Variants in VAT1 observed in about 807,000 individuals in gnomAD.
VAT1 encodes vesicle amine transport 1, also known as NADPH-dependent quinone oxidoreductase VAT1.
A neutral mutation model predicts 33.3 loss-of-function variants in VAT1; 24 were observed. That is an observed-to-expected ratio of 0.72 (90% CI 0.52 to 1.01). The LOEUF is 1.01. VAT1 is among the 50% of genes least tolerant of loss of function. The pLI is 0.00. For missense variants in VAT1, 436 were observed against 533.7 expected (o/e 0.82, Z 1.80); for synonymous variants, 212 against 225.0 (o/e 0.94, Z 0.52).
intron 1 of VAT1, among the ~76,000 whole-genome samples, chr17:43,020,978 A>G (rs1436874199): frequency 6.6e-6 from 1 of 151,888 alleles, no homozygotes; most frequent in Non-Finnish European, 1.5e-5. Context: ...GATCATTTTG[A>G]GCTCTCTGGT....
Position 43,021,930 on chromosome 17 carries a change from G to C in VAT1, c.387+6C>G. ...AGCCCTGCCCTGCCCTACGCAACCCGCTCACCTTGCGGTCGCTGACTCCCT... is the reference window on the plus strand; with the variant it reads ...AGCCCTGCCCTGCCCTACGCAACCCCCTCACCTTGCGGTCGCTGACTCCCT... On this transcript the variant is annotated splice_donor_region_variant and intron_variant, in intron 1 of 5. Coordinates refer to ENST00000355653, the MANE Select transcript of VAT1 (RefSeq NM_006373.4). The C allele has an allele frequency of 6.2e-7, 1 of 1,610,064 alleles. No individual in the cohort carries two copies. The highest frequency in any genetic ancestry group is 8.5e-7 in the Non-Finnish European group (1 of 1,179,550).
rs747016532 is a variant in VAT1, at chr17:43,018,208, TGCA to T, written c.596-5_596-3del. On this transcript the variant is annotated splice_polypyrimidine_tract_variant and splice_region_variant and intron_variant, in intron 2 of 5. Transcript: ENST00000355653. Reference sequence around the variant, plus strand: ...GCACGGCAGCCATACCCACACCCCCTGCAGCAAGACACCCATAAGCAGGGGATA... The same window carrying T: ...GCACGGCAGCCATACCCACACCCCCTGCAAGACACCCATAAGCAGGGGATA... 5.0e-6 allele frequency: 8 copies of T among 1,604,116 alleles called. No individual in the cohort carries two copies. The highest frequency in any genetic ancestry group is 6.8e-6 in the Non-Finnish European group (8 of 1,173,422).
In VAT1 at chr17:43,021,607, G is replaced by T. The variant is rs1025892959; in HGVS notation, c.387+329C>A. Among the ~76,000 whole-genome samples, 39 of 20,616 alleles carry T rather than the reference G, an allele frequency of 1.9e-3. No individual in the cohort carries two copies. The East Asian group carries it at 0.033, about 17-fold the overall frequency. The allele number at this position is 20,616 out of a possible 152,430, so 13.5% of individuals were successfully genotyped here. A position where few individuals can be genotyped will look rare whatever the true frequency, so the allele number is the denominator to read the frequency against. On this transcript the variant is annotated intron_variant, in intron 1 of 5. Coordinates refer to ENST00000355653, the MANE Select transcript of VAT1 (RefSeq NM_006373.4). ...GTAGGGGTACAGGTGTGGTTTTAATGGGGGGGGGGGGGGGGGGTGGGGACG... is the reference window on the plus strand; with the variant it reads ...GTAGGGGTACAGGTGTGGTTTTAATTGGGGGGGGGGGGGGGGGTGGGGACG...
chr17:43,015,985 C>CT lies in VAT1; in HGVS notation c.*75_*76insA. On this transcript the variant is annotated 3_prime_UTR_variant, in exon 6 of 6. Coordinates refer to ENST00000355653, the MANE Select transcript of VAT1 (RefSeq NM_006373.4). ...GAGCATTATGACAGAGGCTGAAATGCAAGTCTGGTGGCCAACAGAACGTAG... is the reference window on the plus strand; with the variant it reads ...GAGCATTATGACAGAGGCTGAAATGCTAAGTCTGGTGGCCAACAGAACGTAG... The CT allele has an allele frequency of 6.5e-7, 1 of 1,527,004 alleles. No homozygotes were observed. Among genetic ancestry groups the CT allele is most frequent in the South Asian group, 1.2e-5 (1 of 86,636 alleles). The allele number at this position is 1,527,004 out of a possible 1,614,324, so 94.6% of individuals were successfully genotyped here.
At chr17:43,017,756 C>T in intron 4 of VAT1, 85 bp downstream of exon 4, 1 of 1,303,886 alleles carries the variant, frequency 7.7e-7, no homozygotes, top group Non-Finnish European at 1.1e-6. Context: ...CTTCTTCATT[C>T]AAAAGCCCTG....
In VAT1 at chr17:43,015,859, A is replaced by G; in HGVS notation, c.*202T>C. 1 of 654,922 alleles carries G rather than the reference A, an allele frequency of 1.5e-6. No homozygotes were observed. Among genetic ancestry groups the G allele is most frequent in the Admixed American group, 2.7e-5 (1 of 36,816 alleles). The allele number at this position is 654,922 out of a possible 1,614,324, so 40.6% of individuals were successfully genotyped here. On this transcript the variant is annotated 3_prime_UTR_variant, in exon 6 of 6. Transcript: ENST00000355653. ...TCCCTGTCGCCTTGGCAGGGCCCAG[A>G]CATCCAAATGGTCACTTCCCAACCT...
chr17:43,018,326 G>A (rs952112527), intron 2 of VAT1, 120 bp from the exon 3 acceptor site: 13 of 1,236,426 alleles, frequency 1.1e-5, no homozygotes, highest in African/African-American at 4.5e-5. Context: ...TTTTAGGGCC[G>A]TGTCTAATTT....
chr17:43,016,673 T>C, intron 4 of VAT1, 125 bp from the exon 5 acceptor site: 1 of 1,421,644 alleles, frequency 7.0e-7, no homozygotes, highest in Admixed American at 2.2e-5. Context: ...AGTGATTGGA[T>C]AATTCTCAAA....
chr17:43,020,250 A>T (rs1453489208), intron 1 of VAT1: 34 of 985,352 alleles, frequency 3.5e-5, no homozygotes, highest in Non-Finnish European at 4.0e-5. Flanking sequence ...CCCTCCCCGC[A>T]GAATCCAGGC....
intron 1 of VAT1, chr17:43,019,050 GTTCT>G (rs2151971300): frequency 3.7e-6 from 2 of 535,416 alleles, no homozygotes; most frequent in Admixed American, 3.3e-5. Flanking sequence ...CCTTACATCA[GTTCT>G]TTGAGGCAGA....
At chr17:43,019,265 T>C (rs1368243803) in intron 1 of VAT1, among the ~76,000 whole-genome samples, 1 of 152,142 alleles carries the variant, frequency 6.6e-6, no homozygotes, top group Non-Finnish European at 1.5e-5. Flanking sequence ...GCTCCACTTT[T>C]CCAGCTCCAG....
chr17:43,015,733 A>G lies in VAT1; in HGVS notation c.*328T>C, dbSNP rs2050514862. ...AAAGATGAGGCAGAGGTGAAAGCAC[A>G]TGGAACACAACAGGGGGGACTGGCT... On this transcript the variant is annotated 3_prime_UTR_variant, in exon 6 of 6. Coordinates refer to ENST00000355653, the MANE Select transcript of VAT1 (RefSeq NM_006373.4). 2 of 366,448 alleles carry G rather than the reference A, an allele frequency of 5.5e-6. No homozygotes were observed. The highest frequency in any genetic ancestry group is 7.1e-5 in the South Asian group (2 of 28,264). 22.7% of individuals were successfully genotyped at this position (366,448 alleles called of 1,614,324 possible). A position where few individuals can be genotyped will look rare whatever the true frequency, so the allele number is the denominator to read the frequency against.
At position 43,022,246 on chromosome 17, in the gene VAT1, G is replaced by T. The variant is rs764426035; in HGVS notation, c.77C>A (p.Ala26Glu). The part of the protein sequence containing the change: ...ASSPPPKTEA[A>E]SDPQHPAASE... ...GGCCGCGGGATGCTGGGGGTCGCTC[G>T]CTGCCTCGGTTTTCGGAGGCGGCGA... is the stretch of plus-strand genomic sequence containing the variant. Residue 26 changes from alanine to glutamate, a missense_variant, in exon 1 of 6, where the codon GCG becomes GAG. Around this residue, in one of 2 missense-constraint regions of VAT1, gnomAD observed 154 missense variants for 128.3 expected, o/e 1.20. Coordinates refer to ENST00000355653, the MANE Select transcript of VAT1 (RefSeq NM_006373.4). 3.2e-6 allele frequency: 5 copies of T among 1,579,088 alleles called. No individual in the cohort carries two copies. The highest frequency in any genetic ancestry group is 3.4e-6 in the Non-Finnish European group (4 of 1,163,496).
Position 43,018,618 on chromosome 17 carries a change from T to C in VAT1, c.569A>G (p.His190Arg). 6.2e-7 allele frequency: 1 copy of C among 1,613,902 alleles called. No homozygotes were observed. Among genetic ancestry groups the C allele is most frequent in the Non-Finnish European group, 8.5e-7 (1 of 1,180,020 alleles). ...TGCAGCCATGTGTACCAAGACGCTGTGGCCAGGCTGTAGGTTGCCGAAGTC... is the reference window on the plus strand; with the variant it reads ...TGCAGCCATGTGTACCAAGACGCTGCGGCCAGGCTGTAGGTTGCCGAAGTC... ...LFDFGNLQPG[H>R]SVLVHMAAGG... The change falls in exon 2 of 6, where the codon CAC becomes CGC. Residue 190 changes from histidine (H) to arginine (R), a missense_variant. Physicochemically the swap from His to Arg is conservative, Grantham distance 29. This residue lies in a region of VAT1 where 282 missense variants were observed against 405.4 expected (regional missense o/e 0.70). Transcript: ENST00000355653.
At position 43,015,690 on chromosome 17, in the gene VAT1, C is replaced by T. The variant is rs1197161722; in HGVS notation, c.*371G>A. On this transcript the variant is annotated 3_prime_UTR_variant, in exon 6 of 6. Transcript: ENST00000355653. ...ACGTTTCAATTCTTTGGGGAGGTGG[C>T]GGGGCAGGGACGGGAGGAAAGATGA... 2.9e-5 allele frequency: 8 copies of T among 271,758 alleles called. No homozygotes were observed. The highest frequency in any genetic ancestry group is 9.9e-5 in the Admixed American group (2 of 20,116). The allele number at this position is 271,758 out of a possible 1,614,324, so 16.8% of individuals were successfully genotyped here.
chr17:43,020,990 TCCAGGGTTGTGG>T (rs2050562430), intron 1 of VAT1, among the ~76,000 whole-genome samples: 1 of 151,744 alleles, frequency 6.6e-6, no homozygotes, highest in Admixed American at 6.6e-5. Context: ...CTCTCTGGTG[TCCAGGGTTGTGG>T]CCAAGATTAA....
intron 1 of VAT1, among the ~76,000 whole-genome samples, 187 bp downstream of exon 1, chr17:43,021,749 C>T (rs2151972170): frequency 6.6e-6 from 1 of 152,216 alleles, no homozygotes; most frequent in African/African-American, 2.4e-5. Flanking sequence ...ATTTCGTCTC[C>T]CCTCCCCACA....
intron 1 of VAT1, among the ~76,000 whole-genome samples, chr17:43,020,531 G>T (rs897143673): frequency 3.9e-5 from 6 of 152,164 alleles, no homozygotes; most frequent in African/African-American, 1.4e-4. Context: ...TGGGCTGGCA[G>T]GTCTGCAAGA....
chr17:43,017,844 AG>A lies in VAT1; in HGVS notation c.852del (p.Tyr285MetfsTer7). 1 of 1,613,936 alleles carries A rather than the reference AG, an allele frequency of 6.2e-7. No individual in the cohort carries two copies. Among genetic ancestry groups the A allele is most frequent in the African/African-American group, 1.3e-5 (1 of 74,966 alleles). ...CATCCCTGGCCCACTAACTCACCAT[AG>A]GTGACGACTTTGCCCATGGGTTTCA... ...NLLKPMGKVV[T>X]YGMANLLTGP... On this transcript the variant is annotated frameshift_variant, in exon 4 of 6. Transcript: ENST00000355653. LOFTEE classifies it high-confidence loss of function.
Sources: gnomAD v4.1 joint callset for allele counts (sites outside exome capture counted in the v4.1 genomes callset) on GRCh38, gnomAD v4.1.1 for gene constraint, gnomAD v4.1.1 regional missense constraint, MANE v1.5 for transcripts, NCBI Gene and HGNC (gene_info 2026-07-23, HGNC 2026-07-21) for gene names.